CD72: variants seen among roughly 807,000 people sequenced by gnomAD.
CD72 encodes the protein CD72 molecule, also known as B-cell differentiation antigen CD72.
In CD72, 28 loss-of-function variants were observed where a neutral mutation model predicts 50.7. The observed-to-expected ratio is 0.55, with a 90% CI of 0.41 to 0.76. CD72 has a LOEUF of 0.76. Among genes scored for constraint, CD72 ranks in the 30% least tolerant of loss-of-function variants. CD72 has a pLI of 0.00. For missense variants in CD72, 403 were observed against 420.6 expected (o/e 0.96, Z 0.37); for synonymous variants, 176 against 171.2 (o/e 1.03, Z -0.22).
intron 1 of CD72, among the ~76,000 whole-genome samples, chr9:35,640,635 A>G (rs1823330733): frequency 6.6e-6 from 1 of 152,194 alleles, no homozygotes; most frequent in Admixed American, 6.5e-5. Context: ...CCGGATCTGG[A>G]GGGATGGGAG....
intron 1 of CD72, among the ~76,000 whole-genome samples, chr9:35,638,294 A>T (rs1306318440): frequency 6.6e-6 from 1 of 151,864 alleles, no homozygotes; most frequent in Non-Finnish European, 1.5e-5. Flanking sequence ...CTACCGACCC[A>T]TCTGACCTCT....
At chr9:35,643,753 A>C (rs1823360421) in intron 1 of CD72, among the ~76,000 whole-genome samples, 1 of 152,144 alleles carries the variant, frequency 6.6e-6, no homozygotes, top group Non-Finnish European at 1.5e-5. Context: ...GGAGGCAGGC[A>C]GATCACCTGA....
chr9:35,618,199 A>G, intron 1 of CD72, 23 bp downstream of exon 1: 1 of 1,609,602 alleles, frequency 6.2e-7, no homozygotes, highest in Non-Finnish European at 8.5e-7. Context: ...TGCAGGATCA[A>G]GGGGAGGCCT....
At chr9:35,621,756 G>A (rs899526411), upstream of CD72, among the ~76,000 whole-genome samples, 4 of 152,196 alleles carry the variant, frequency 2.6e-5, no homozygotes, top group African/African-American at 9.7e-5. Context: ...GACGCCACAG[G>A]AGAAACACTC....
chr9:35,645,091 C>T (rs369636580), intron 1 of CD72, among the ~76,000 whole-genome samples: 4 of 149,882 alleles, frequency 2.7e-5, no homozygotes, highest in South Asian at 2.1e-4. Flanking sequence ...CCCAGCTACT[C>T]GGGAGGTTGA....
chr9:35,632,879 T>C (rs571266734), intron 1 of CD72, among the ~76,000 whole-genome samples: 1 of 152,112 alleles, frequency 6.6e-6, no homozygotes, highest in South Asian at 2.1e-4. Context: ...TGCCCAGCCT[T>C]ATTAGCTCTT....
At chr9:35,632,920 C>T (rs1008250577) in intron 1 of CD72, among the ~76,000 whole-genome samples, 1 of 146,718 alleles carries the variant, frequency 6.8e-6, no homozygotes, top group Non-Finnish European at 1.5e-5. Context: ...TTTATTTATC[C>T]TTTTTAGTTT....
intron 1 of CD72, among the ~76,000 whole-genome samples, chr9:35,630,852 C>G (rs1471835688): frequency 1.3e-5 from 2 of 152,076 alleles, no homozygotes; most frequent in African/African-American, 4.8e-5. Flanking sequence ...TCGCTTAAGC[C>G]CAGGAGTTCG....
upstream of CD72, among the ~76,000 whole-genome samples, chr9:35,620,405 G>C (rs1823135984): frequency 1.3e-5 from 2 of 151,630 alleles, no homozygotes; most frequent in Admixed American, 6.6e-5. Context: ...AGGAGGTGGA[G>C]GTTGCAGTGA....
At chr9:35,619,113 G>A (rs1009116877), upstream of CD72, among the ~76,000 whole-genome samples, 7 of 152,182 alleles carry the variant, frequency 4.6e-5, no homozygotes, top group East Asian at 3.8e-4. Flanking sequence ...GTTTTGGTTC[G>A]TCTCTTACTT....
intron 1 of CD72, among the ~76,000 whole-genome samples, chr9:35,645,187 G>A (rs1215429069): frequency 4.1e-4 from 49 of 119,536 alleles, no homozygotes; most frequent in African/African-American, 1.4e-3. Flanking sequence ...CAACAAGAGC[G>A]AAACTCCGTC....
At chr9:35,621,689 G>A (rs1823148082), upstream of CD72, among the ~76,000 whole-genome samples, 1 of 152,176 alleles carries the variant, frequency 6.6e-6, no homozygotes, top group Non-Finnish European at 1.5e-5. Flanking sequence ...CCTTGAAAGG[G>A]AGAACCTTTC....
chr9:35,618,106 T>C lies in CD72; in HGVS notation c.98A>G (p.Asp33Gly). 1 of 1,613,866 alleles carries C rather than the reference T, an allele frequency of 6.2e-7. No individual in the cohort carries two copies. The highest frequency in any genetic ancestry group is 8.5e-7 in the Non-Finnish European group (1 of 1,179,756). ...ATTCTCGTAGGTGATTTCCCCATCA[T>C]CATCAGCCCCTGGGTCTAGAGAGAA... ...SRLGQDPGAD[D>G]DGEITYENVQ... The change falls in exon 2 of 9, where the codon GAT becomes GGT. Residue 33 changes from aspartate to glycine, a missense_variant. Physicochemically the swap from Asp to Gly is moderately conservative, Grantham distance 94. Coordinates refer to ENST00000259633, the MANE Select transcript of CD72 (RefSeq NM_001782.3).
At chr9:35,618,606 C>A, upstream of CD72, 3 of 628,236 alleles carry the variant, frequency 4.8e-6, no homozygotes, top group Admixed American at 2.7e-5. Context: ...GCTTCCTCTC[C>A]ATGCATCTTA....
chr9:35,617,437 G>A (rs1823083533), intron 2 of CD72, among the ~76,000 whole-genome samples, 190 bp from the exon 3 acceptor site: 1 of 152,016 alleles, frequency 6.6e-6, no homozygotes, highest in Non-Finnish European at 1.5e-5. Flanking sequence ...CTTCCTCCTG[G>A]GTCTCACTGT....
chr9:35,626,986 C>T (rs1823201457), intron 1 of CD72, among the ~76,000 whole-genome samples: 3 of 151,404 alleles, frequency 2.0e-5, no homozygotes, highest in South Asian at 4.2e-4. Context: ...TACAGGTGCC[C>T]GCCACCATGC....
chr9:35,638,616 C>T (rs999684569), intron 1 of CD72, among the ~76,000 whole-genome samples: 1 of 150,840 alleles, frequency 6.6e-6, no homozygotes, highest in African/African-American at 2.4e-5. Context: ...ACAGGAATTC[C>T]GATATCTAAC....
At chr9:35,612,077 G>C (rs1322484122) in intron 6 of CD72, among the ~76,000 whole-genome samples, 158 bp from the exon 7 acceptor site, 1 of 152,242 alleles carries the variant, frequency 6.6e-6, no homozygotes, top group Non-Finnish European at 1.5e-5. Context: ...CCACCCTGCA[G>C]ATGCAGGCTC....
Position 35,615,992 on chromosome 9 carries a change from C to G in CD72, c.639G>C (p.Leu213=), listed in dbSNP as rs142573111. Residue 213 remains leucine, a synonymous_variant, in exon 5 of 9, where the codon CTG becomes CTC. Transcript: ENST00000259633. ...GCTTCAGTCTGTTCTCCATGTTGCT[C>G]AGCTTCTGCTCCAAGGCCCTCCTCT... is the stretch of plus-strand genomic sequence containing the variant. ...EQQRRALEQK[L]SNMENRLKPF... 2,532 of 1,614,018 alleles carry G rather than the reference C, an allele frequency of 1.6e-3. 31 individuals carry two copies. The African/African-American group carries it at 0.028, about 18-fold the overall frequency.
Sources: gnomAD v4.1 joint callset for allele counts (sites outside exome capture counted in the v4.1 genomes callset) on GRCh38, gnomAD v4.1.1 for gene constraint, MANE v1.5 for transcripts, NCBI Gene and HGNC (gene_info 2026-07-23, HGNC 2026-07-21) for gene names.